The following SLC4A10 variants were observed in gnomAD, a reference collection of about 807,000 sequenced individuals.
SLC4A10 encodes the protein solute carrier family 4 member 10, also known as sodium-driven chloride bicarbonate exchanger.
Under a neutral mutation model 137.7 loss-of-function variants are expected in SLC4A10, and 42 were observed. That is an observed-to-expected ratio of 0.30 (90% CI 0.24 to 0.39). SLC4A10 has a LOEUF of 0.39. Among genes scored for constraint, SLC4A10 ranks in the 10% least tolerant of loss-of-function variants. SLC4A10 has a pLI of 1.00. For missense variants in SLC4A10, 925 were observed against 1,355.0 expected, an observed-to-expected ratio of 0.68 and a Z score of 4.98; for synonymous variants, 474 against 464.1, an observed-to-expected ratio of 1.02 and a Z score of -0.27.
intron 15 of SLC4A10, among the ~76,000 whole-genome samples, chr2:161,933,448 A>C (rs187424367): frequency 1.3e-5 from 2 of 150,422 alleles, no homozygotes; most frequent in East Asian, 3.9e-4. Flanking sequence ...CAGTGAGTAC[A>C]GTGGCACAAT....
At chr2:161,777,076 A>G (rs1293605281) in intron 2 of SLC4A10, among the ~76,000 whole-genome samples, 2 of 151,744 alleles carry the variant, frequency 1.3e-5, no homozygotes, top group Non-Finnish European at 2.9e-5. Context: ...ATAGACACTT[A>G]ACCCTATCAA....
intron 5 of SLC4A10, among the ~76,000 whole-genome samples, chr2:161,860,350 G>C (rs947401972): frequency 6.6e-6 from 1 of 152,042 alleles, no homozygotes; most frequent in African/African-American, 2.4e-5. Context: ...GAAACATTGT[G>C]CTTTAATAGA....
intron 3 of SLC4A10, 97 bp from the exon 4 acceptor site, chr2:161,839,676 TGAGCTTGGGGTGGTGC>T (rs961235236): frequency 2.7e-5 from 32 of 1,170,128 alleles, no homozygotes; most frequent in African/African-American, 2.6e-4. Context: ...AGGGGAGGTG[TGAGCTTGGGGTGGTGC>T]GAGCTTGGGG....
At chr2:161,903,910 G>C (rs764733452) in intron 12 of SLC4A10, 94 bp from the exon 13 acceptor site, 3 of 1,273,796 alleles carry the variant, frequency 2.4e-6, no homozygotes, top group African/African-American at 3.0e-5. Context: ...GATGGAAAAC[G>C]TATACTGTGA....
intron 7 of SLC4A10, chr2:161,873,688 T>G: frequency 2.4e-6 from 1 of 425,112 alleles, no homozygotes. Flanking sequence ...CTGGCAATAA[T>G]TATAGTAGTG....
At chr2:161,686,462 G>A (rs2041416505) in intron 1 of SLC4A10, among the ~76,000 whole-genome samples, 1 of 152,126 alleles carries the variant, frequency 6.6e-6, no homozygotes, top group Non-Finnish European at 1.5e-5. Context: ...TTCACTTACA[G>A]GTACAGATCT....
At chr2:161,976,138 C>A (rs1377876442) in intron 24 of SLC4A10, among the ~76,000 whole-genome samples, 1 of 152,146 alleles carries the variant, frequency 6.6e-6, no homozygotes, top group Non-Finnish European at 1.5e-5. Context: ...AGAATATTTT[C>A]TTTAGTTTTT....
intron 10 of SLC4A10, among the ~76,000 whole-genome samples, chr2:161,893,513 TA>T (rs776301713): frequency 1.3e-5 from 2 of 151,950 alleles, no homozygotes; most frequent in Non-Finnish European, 2.9e-5. Context: ...CCAGGCAACA[TA>T]GCAAGACTCT....
rs913576026 is a variant in SLC4A10 at position 161,667,771 on chromosome 2, G to A, written c.48+43205G>A. ...GCTCTTCTTTTGGACTTGTTTTCAG[G>A]TCCTATGACATACTGTTTTGATTGT... is the stretch of plus-strand genomic sequence containing the variant. On this transcript the variant is annotated intron_variant, in intron 1 of 26. Coordinates refer to ENST00000446997, the MANE Select transcript of SLC4A10 (RefSeq NM_001178015.2). Among the ~76,000 whole-genome samples the A allele has an allele frequency of 2.0e-5, 3 of 151,548 alleles. No homozygotes were observed. The South Asian group carries it at 6.2e-4, about 31-fold the overall frequency.
At chr2:161,808,285 A>C (rs559971523) in intron 3 of SLC4A10, among the ~76,000 whole-genome samples, 75 of 151,852 alleles carry the variant, frequency 4.9e-4, no homozygotes, top group African/African-American at 1.8e-3. Flanking sequence ...TCCCTCTTTT[A>C]TATTTTTTCA....
Position 161,942,827 on chromosome 2 carries a change from G to T in SLC4A10, c.2033G>T (p.Gly678Val). ...NCVEPHNPSN[G>V]TLKEWRESNI... is the part of the protein sequence containing the mutation. ...GTGGAACCGCATAATCCCAGCAATG[G>T]CACATTGAAGGAATGGAGGGAATCC... The change falls in exon 16 of 27, where the codon GGC (glycine) becomes GTC (valine). Residue 678 changes from glycine (G) to valine (V), a missense_variant. Around this residue, in one of 11 missense-constraint regions of SLC4A10, gnomAD observed 91 missense variants for 95.6 expected, o/e 0.95. Coordinates refer to ENST00000446997, the MANE Select transcript of SLC4A10 (RefSeq NM_001178015.2). 6.2e-7 allele frequency: 1 copy of T among 1,605,830 alleles called. No individual in the cohort carries two copies. The highest frequency in any genetic ancestry group is 8.5e-7 in the Non-Finnish European group (1 of 1,175,980).
chr2:161,814,194 C>T (rs1383933380), intron 3 of SLC4A10, among the ~76,000 whole-genome samples: 4 of 152,032 alleles, frequency 2.6e-5, no homozygotes, highest in African/African-American at 9.7e-5. Flanking sequence ...TATCACGAAT[C>T]ATCAGAGAAA....
At chr2:161,698,942 C>CT (rs1355154516) in intron 1 of SLC4A10, among the ~76,000 whole-genome samples, 1 of 152,060 alleles carries the variant, frequency 6.6e-6, no homozygotes. Context: ...TGGTCCTGTA[C>CT]TTTTTTTGGT....
chr2:161,971,759 G>A (rs1698583075), intron 23 of SLC4A10, among the ~76,000 whole-genome samples: 1 of 152,188 alleles, frequency 6.6e-6, no homozygotes. Flanking sequence ...CTTCCTTCTG[G>A]CACTGAAGGC....
chr2:161,824,935 C>T (rs2057915192), intron 3 of SLC4A10, among the ~76,000 whole-genome samples: 2 of 152,190 alleles, frequency 1.3e-5, no homozygotes, highest in African/African-American at 2.4e-5. Context: ...CCAACCCCTC[C>T]TCTTCCTCCT....
intron 16 of SLC4A10, among the ~76,000 whole-genome samples, chr2:161,947,031 A>C (rs1682409430): frequency 1.3e-5 from 2 of 152,244 alleles, no homozygotes; most frequent in Admixed American, 1.3e-4. Flanking sequence ...TCACTGCAGA[A>C]ATCGTGTTTG....
intron 1 of SLC4A10, among the ~76,000 whole-genome samples, chr2:161,677,449 G>GGCT (rs2040390098): frequency 6.6e-6 from 1 of 152,154 alleles, no homozygotes; most frequent in Non-Finnish European, 1.5e-5. Context: ...GTGCTCTGCA[G>GGCT]AACACCAGAA....
At chr2:161,709,500 G>A (rs1183184877) in intron 1 of SLC4A10, among the ~76,000 whole-genome samples, 4 of 151,530 alleles carry the variant, frequency 2.6e-5, no homozygotes, top group Admixed American at 6.6e-5. Flanking sequence ...ATATACTAAC[G>A]TATTGTTCAT....
chr2:161,975,859 C>A (rs2105981396), intron 24 of SLC4A10, among the ~76,000 whole-genome samples: 1 of 152,280 alleles, frequency 6.6e-6, no homozygotes, highest in Middle Eastern at 3.4e-3. Context: ...CAGGAGGCTA[C>A]TGAAATGGGG....
Sources: gnomAD v4.1 joint callset for allele counts (sites outside exome capture counted in the v4.1 genomes callset) on GRCh38, gnomAD v4.1.1 for gene constraint, gnomAD v4.1.1 regional missense constraint, MANE v1.5 for transcripts, NCBI Gene and HGNC (gene_info 2026-07-23, HGNC 2026-07-21) for gene names.